The following CLMN variants were observed in gnomAD, a reference collection of about 807,000 sequenced individuals.
CLMN encodes the protein calmin (calponin-like, transmembrane).
A neutral mutation model predicts 92.7 loss-of-function variants in CLMN; 57 were observed. The observed-to-expected ratio is 0.61, with a 90% confidence interval of 0.50 to 0.77. The LOEUF (loss-of-function observed/expected upper bound fraction) is 0.77. Among genes scored for constraint, CLMN ranks in the 30% least tolerant of loss-of-function variants. CLMN has a pLI of 0.00. For synonymous variants in CLMN, 466 were observed against 470.6 expected (o/e 0.99, Z 0.13); for missense variants, 1,158 against 1,237.5 (o/e 0.94, Z 0.96).
chr14:95,309,048 G>A (rs749582138), intron 1 of CLMN, among the ~76,000 whole-genome samples: 3 of 152,106 alleles, frequency 2.0e-5, no homozygotes, highest in Admixed American at 6.5e-5. Flanking sequence ...CTAATCCCGC[G>A]TTCAGTCAAG....
In CLMN at chr14:95,202,854, G is replaced by C. The variant is rs755584556; in HGVS notation, c.2495C>G (p.Pro832Arg). 6.5e-7 allele frequency: 1 copy of C among 1,538,662 alleles called. No individual in the cohort carries two copies. Among genetic ancestry groups the C allele is most frequent in the Non-Finnish European group, 8.7e-7 (1 of 1,146,904 alleles). Reference protein sequence around the residue: ...HQQRETKENDPMDSHQSQESP... With the variant: ...HQQRETKENDRMDSHQSQESP... ...GTTGAGTACCTGATGGCTGTCCATG[G>C]GGTCATTCTCTTTGGTCTCCCTTTG... The change falls in exon 9 of 13, where the codon CCC (proline) becomes CGC (arginine). Residue 832 changes from proline (P) to arginine (R), a missense_variant. By Grantham distance (103) the Pro-to-Arg change is moderately radical (BLOSUM62 -2). Coordinates refer to ENST00000298912, the MANE Select transcript of CLMN (RefSeq NM_024734.4).
rs377681879 is a variant in CLMN at position 95,204,225 on chromosome 14, C to G, written c.1124G>C (p.Ser375Thr). ...DGVSSHALSD[S>T]STEFMHQIID... The stretch of plus-strand genomic sequence containing the variant: ...AATCTGGTGCATGAACTCGGTGGAG[C>G]TGTCTGACAGCGCATGGCTGGAAAC... The change falls in exon 9 of 13, where the codon AGC becomes ACC. Residue 375 changes from serine (S) to threonine (T), a missense_variant. Ser to Thr is a moderately conservative substitution (Grantham distance 58). Coordinates refer to ENST00000298912, the MANE Select transcript of CLMN (RefSeq NM_024734.4). The G allele has an allele frequency of 1.2e-6, 2 of 1,614,038 alleles. No homozygotes were observed. The highest frequency in any genetic ancestry group is 1.7e-6 in the Non-Finnish European group (2 of 1,180,038).
At chr14:95,211,649 TAAA>T (rs540566941) in intron 6 of CLMN, among the ~76,000 whole-genome samples, 12 of 130,132 alleles carry the variant, frequency 9.2e-5, no homozygotes, top group African/African-American at 1.7e-4. Context: ...TAAACGCTCT[TAAA>T]AAAAAAAAAA....
intron 1 of CLMN, among the ~76,000 whole-genome samples, chr14:95,271,914 G>A (rs368050605): frequency 2.0e-5 from 3 of 152,328 alleles, no homozygotes; most frequent in South Asian, 4.1e-4. Flanking sequence ...GAATCACACA[G>A]TTTGTGCCTG....
intron 9 of CLMN, among the ~76,000 whole-genome samples, chr14:95,200,383 T>A (rs2140568542): frequency 6.6e-6 from 1 of 152,296 alleles, no homozygotes. Flanking sequence ...TTCCTGGCAG[T>A]GCCAGATGCA....
At chr14:95,234,126 C>T (rs1004996878) in intron 1 of CLMN, among the ~76,000 whole-genome samples, 2 of 152,206 alleles carry the variant, frequency 1.3e-5, no homozygotes, top group Non-Finnish European at 2.9e-5. Context: ...GGCACACTTG[C>T]AATTTTCAAA....
At chr14:95,244,553 A>T (rs895529909) in intron 1 of CLMN, among the ~76,000 whole-genome samples, 4 of 152,238 alleles carry the variant, frequency 2.6e-5, no homozygotes, top group African/African-American at 9.6e-5. Context: ...AACACTCTAC[A>T]TCAGATGATT....
In CLMN at chr14:95,186,103, G is replaced by A. The variant is rs1307513880; in HGVS notation, c.*5461C>T. 6.6e-6 allele frequency: 1 copy of A among 152,238 alleles called. No individual in the cohort carries two copies. Among genetic ancestry groups the A allele is most frequent in the Non-Finnish European group, 1.5e-5 (1 of 68,042 alleles). The allele number at this position is 152,238 out of a possible 1,614,324, so 9.4% of individuals were successfully genotyped here. A position where few individuals can be genotyped will look rare whatever the true frequency, so the allele number is the denominator to read the frequency against. On this transcript the variant is annotated 3_prime_UTR_variant, in exon 13 of 13. Transcript: ENST00000298912. The stretch of plus-strand genomic sequence containing the variant: ...AACTGGGAATGAAGATGGCTATCTG[G>A]AGGTCATCAACTAGCAGGGCGACTA...
intron 6 of CLMN, among the ~76,000 whole-genome samples, chr14:95,211,510 T>A (rs1897196049): frequency 6.6e-6 from 1 of 152,182 alleles, no homozygotes; most frequent in African/African-American, 2.4e-5. Flanking sequence ...TCACTCTATT[T>A]TGTAGAATGG....
chr14:95,244,679 A>G (rs1898391141), intron 1 of CLMN, among the ~76,000 whole-genome samples: 2 of 152,198 alleles, frequency 1.3e-5, no homozygotes, highest in Admixed American at 1.3e-4. Flanking sequence ...ATATGCTATG[A>G]AAACTGTTCT....
chr14:95,237,358 G>A (rs551262069), intron 1 of CLMN, among the ~76,000 whole-genome samples: 46 of 152,354 alleles, frequency 3.0e-4, no homozygotes, highest in Middle Eastern at 3.4e-3. Context: ...TCAGAGCTTG[G>A]GGCAGCAGAG....
Position 95,209,443 on chromosome 14 carries a change from G to GA in CLMN, c.836dup (p.Met280HisfsTer24). The GA allele has an allele frequency of 1.2e-6, 2 of 1,614,208 alleles. No homozygotes were observed. Among genetic ancestry groups the GA allele is most frequent in the Non-Finnish European group, 1.7e-6 (2 of 1,180,030 alleles). Reference sequence around the variant, plus strand: ...CTAGAAACTGTGCCACGTAAGTCATGATAGACTGCTCGTCTGGTGTGTCAA... The same window carrying GA: ...CTAGAAACTGTGCCACGTAAGTCATGAATAGACTGCTCGTCTGGTGTGTCAA... On this transcript the variant is annotated frameshift_variant, in exon 8 of 13. Transcript: ENST00000298912. LOFTEE classifies it high-confidence loss of function.
At chr14:95,204,502 A>G in intron 8 of CLMN, 39 bp from the exon 9 acceptor site, 1 of 1,504,040 alleles carries the variant, frequency 6.6e-7, no homozygotes, top group Non-Finnish European at 8.9e-7. Flanking sequence ...AAAAAAAAAC[A>G]AAAGAACAAC....
intron 1 of CLMN, among the ~76,000 whole-genome samples, chr14:95,313,513 G>A (rs766496345): frequency 7.9e-5 from 12 of 152,164 alleles, no homozygotes; most frequent in Non-Finnish European, 1.3e-4. Flanking sequence ...TCCCTACTCC[G>A]ATAGAAAGAA....
intron 1 of CLMN, among the ~76,000 whole-genome samples, chr14:95,249,274 C>G (rs933773883): frequency 6.6e-6 from 1 of 152,178 alleles, no homozygotes; most frequent in African/African-American, 2.4e-5. Flanking sequence ...TATCTTGCTT[C>G]CTCTTCATCA....
At chr14:95,233,257 G>A (rs993717382) in intron 1 of CLMN, among the ~76,000 whole-genome samples, 2 of 152,272 alleles carry the variant, frequency 1.3e-5, no homozygotes, top group Admixed American at 6.5e-5. Flanking sequence ...CTACACTCAA[G>A]GGTGTAAATG....
chr14:95,196,919 G>A (rs1454672145), intron 9 of CLMN, among the ~76,000 whole-genome samples: 1 of 152,188 alleles, frequency 6.6e-6, no homozygotes, highest in Admixed American at 6.5e-5. Flanking sequence ...AATTGATGGA[G>A]TTAAAACAAT....
chr14:95,265,662 C>G (rs1241691777), intron 1 of CLMN, among the ~76,000 whole-genome samples: 1 of 152,202 alleles, frequency 6.6e-6, no homozygotes, highest in Non-Finnish European at 1.5e-5. Flanking sequence ...CAATTTCTCA[C>G]TTTCACTTCC....
intron 10 of CLMN, 51 bp downstream of exon 10, chr14:95,196,447 T>C: frequency 6.5e-7 from 1 of 1,547,994 alleles, no homozygotes; most frequent in Non-Finnish European, 8.7e-7. Flanking sequence ...TGCAAATAAC[T>C]CTCTAACTCT....
Sources: gnomAD v4.1 joint callset for allele counts (sites outside exome capture counted in the v4.1 genomes callset) on GRCh38, gnomAD v4.1.1 for gene constraint, MANE v1.5 for transcripts, NCBI Gene and HGNC (gene_info 2026-07-23, HGNC 2026-07-21) for gene names.